Variants in TGM5 observed in about 807,000 individuals in gnomAD.
The protein encoded by TGM5 is protein-glutamine gamma-glutamyltransferase 5.
In TGM5, 69 loss-of-function variants were observed where a neutral mutation model predicts 77.2. The observed-to-expected ratio is 0.89, with a 90% CI of 0.74 to 1.09. TGM5 has a LOEUF of 1.09. Among genes scored for constraint, TGM5 ranks in the 50% least tolerant of loss-of-function variants. TGM5 has a pLI of 0.00. For missense variants in TGM5, 842 were observed against 896.5 expected (o/e 0.94, Z 0.78); for synonymous variants, 346 against 351.8 (o/e 0.98, Z 0.18).
At chr15:43,234,684 G>A (rs1170974113) in intron 11 of TGM5, 85 bp downstream of exon 11, 2 of 1,561,164 alleles carry the variant, frequency 1.3e-6, no homozygotes, top group Non-Finnish European at 1.8e-6. Flanking sequence ...TCCTAAGCAG[G>A]CCCAGGCTGC....
chr15:43,257,072 C>G (rs1191845619), intron 3 of TGM5, among the ~76,000 whole-genome samples: 1 of 152,202 alleles, frequency 6.6e-6, no homozygotes, highest in Non-Finnish European at 1.5e-5. Context: ...CTATACTAAT[C>G]TTGGTTGGAA....
intron 3 of TGM5, among the ~76,000 whole-genome samples, chr15:43,257,516 AG>A (rs1343064447): frequency 6.6e-6 from 1 of 152,210 alleles, no homozygotes; most frequent in Non-Finnish European, 1.5e-5. Flanking sequence ...TGCCATTGAA[AG>A]TAATGGAGCT....
Position 43,233,104 on chromosome 15 carries a change from T to G in TGM5, c.*87A>C. 2 of 1,536,290 alleles carry G rather than the reference T, an allele frequency of 1.3e-6. No homozygotes were observed. Among genetic ancestry groups the G allele is most frequent in the African/African-American group, 1.4e-5 (1 of 73,416 alleles). ...TGCTGGAGCCCTGTGAAGCCTCTGT[T>G]GTGGTGGGGAATGGCGCAGCTTGCA... is the stretch of plus-strand genomic sequence containing the variant. On this transcript the variant is annotated 3_prime_UTR_variant, in exon 13 of 13. Coordinates refer to ENST00000220420, the MANE Select transcript of TGM5 (RefSeq NM_201631.4).
At chr15:43,265,843 A>T (rs892256506) in intron 1 of TGM5, among the ~76,000 whole-genome samples, 26 of 152,240 alleles carry the variant, frequency 1.7e-4, no homozygotes, top group Non-Finnish European at 2.9e-5. Context: ...CACTGATACT[A>T]TGAGAAATAT....
intron 1 of TGM5, among the ~76,000 whole-genome samples, chr15:43,261,090 T>TTTTG (rs2042786090): frequency 4.1e-5 from 4 of 97,116 alleles, no homozygotes; most frequent in African/African-American, 1.5e-4. Context: ...TTTTTTTTTT[T>TTTTG]TTTTTTTTTT....
chr15:43,250,511 C>T (rs1214439167), intron 6 of TGM5, among the ~76,000 whole-genome samples: 3 of 152,214 alleles, frequency 2.0e-5, no homozygotes, highest in African/African-American at 7.2e-5. Context: ...GGTTTTAGCA[C>T]AGTGCCTGGC....
chr15:43,245,427 T>C (rs2042663451), intron 6 of TGM5, among the ~76,000 whole-genome samples: 1 of 152,210 alleles, frequency 6.6e-6, no homozygotes, highest in South Asian at 2.1e-4. Flanking sequence ...AAGATGATCA[T>C]ATTGCTTTGG....
rs777310058 is a variant in TGM5 at position 43,240,992 on chromosome 15, T to C, written c.863-2A>G. 1.9e-6 allele frequency: 3 copies of C among 1,614,068 alleles called. No individual in the cohort carries two copies. The African/African-American group carries it at 4.0e-5, about 22-fold the overall frequency. On this transcript the variant is annotated splice_acceptor_variant, in intron 6 of 12. Coordinates refer to ENST00000220420, the MANE Select transcript of TGM5 (RefSeq NM_201631.4). LOFTEE classifies it high-confidence loss of function. ...TAGGGATCCCCAGACACCTCATCAC[T>C]GCAAAAAGGGCACAAAAAAATCACC...
intron 6 of TGM5, among the ~76,000 whole-genome samples, chr15:43,252,353 G>T (rs1361988480): frequency 6.6e-6 from 1 of 152,144 alleles, no homozygotes; most frequent in Non-Finnish European, 1.5e-5. Flanking sequence ...TCTCACTCTT[G>T]TCACCCAGAC....
chr15:43,233,140 C>T lies in TGM5; in HGVS notation c.*51G>A, dbSNP rs375529113. On this transcript the variant is annotated 3_prime_UTR_variant, in exon 13 of 13. Transcript: ENST00000220420. ...ATGGCGCAGCTTGCATTTGAACTTG[C>T]TCCTTTTCCTGAAGCTTGAAATTCA... 9 of 1,610,578 alleles carry T rather than the reference C, an allele frequency of 5.6e-6. No homozygotes were observed. The highest frequency in any genetic ancestry group is 1.7e-5 in the Admixed American group (1 of 59,848).
chr15:43,266,770 C>T (rs1429585464), intron 1 of TGM5, 70 bp downstream of exon 1: 4 of 1,595,800 alleles, frequency 2.5e-6, no homozygotes, highest in African/African-American at 2.7e-5. Context: ...CCCTCCACCC[C>T]TTGACTTCCT....
chr15:43,239,668 T>G (rs1164105656), intron 7 of TGM5: 1 of 245,024 alleles, frequency 4.1e-6, no homozygotes, highest in African/African-American at 2.3e-5. Flanking sequence ...AGCCAGACCT[T>G]GTCTCAAAAA....
intron 1 of TGM5, among the ~76,000 whole-genome samples, chr15:43,265,864 C>G (rs2042820433): frequency 1.3e-5 from 2 of 152,106 alleles, no homozygotes; most frequent in African/African-American, 4.8e-5. Flanking sequence ...TGAGGTAGAT[C>G]TATAGGTACT....
In TGM5 at chr15:43,239,006, C is replaced by T; in HGVS notation, c.1156G>A (p.Val386Met). The T allele has an allele frequency of 6.2e-7, 1 of 1,614,168 alleles. No homozygotes were observed. The highest frequency in any genetic ancestry group is 1.1e-5 in the South Asian group (1 of 91,078). The change falls in exon 9 of 13, where the codon GTG becomes ATG. Residue 386 changes from valine to methionine, a missense_variant. Val to Met is a conservative substitution (Grantham distance 21). Coordinates refer to ENST00000220420, the MANE Select transcript of TGM5 (RefSeq NM_201631.4). ...ASVRAIKEGEVDLNYDTPFVF... is the reference protein window; with the variant it reads ...ASVRAIKEGEMDLNYDTPFVF... ...AAGGGCGTGTCATAGTTCAGGTCCA[C>T]TTCTCCTTCTTTGATGGCTCTGACA...
rs545272848 is a variant in TGM5 at position 43,251,327 on chromosome 15, G to C, written c.862+1432C>G. On this transcript the variant is annotated intron_variant, in intron 6 of 12. Transcript: ENST00000220420. ...AACTGTGCAAAGTCACTCTCTCTCGGTGGCAACACCTCCTCGTGCCCTTGG... is the reference window on the plus strand; with the variant it reads ...AACTGTGCAAAGTCACTCTCTCTCGCTGGCAACACCTCCTCGTGCCCTTGG... Among the ~76,000 whole-genome samples, 15 of 152,158 alleles carry C rather than the reference G, an allele frequency of 9.9e-5. 1 individual carries two copies. Among genetic ancestry groups the C allele is most frequent in the Admixed American group, 9.8e-4 (15 of 15,282 alleles).
At chr15:43,236,061 ATTC>A (rs146288606) in intron 9 of TGM5, among the ~76,000 whole-genome samples, 43 of 152,106 alleles carry the variant, frequency 2.8e-4, no homozygotes, top group African/African-American at 7.7e-4. Flanking sequence ...TACCATTAGC[ATTC>A]TTCTTCTTCT....
chr15:43,238,154 C>T (rs2142356642), intron 9 of TGM5, among the ~76,000 whole-genome samples: 1 of 152,362 alleles, frequency 6.6e-6, no homozygotes, highest in African/African-American at 2.4e-5. Context: ...CGCCCTTCAG[C>T]CACCCTGCCT....
rs1235265199 is a variant in TGM5 at position 43,233,588 on chromosome 15, C to T, written c.1975G>A (p.Gly659Arg). 1.1e-5 allele frequency: 18 copies of T among 1,614,176 alleles called. No individual in the cohort carries two copies. Among genetic ancestry groups the T allele is most frequent in the Middle Eastern group, 1.7e-4 (1 of 6,058 alleles). The change falls in exon 12 of 13, where the codon GGA becomes AGA. Residue 659 changes from glycine to arginine, a missense_variant. Coordinates refer to ENST00000220420, the MANE Select transcript of TGM5 (RefSeq NM_201631.4). The stretch of plus-strand genomic sequence containing the variant: ...TGCTGTTTCTTGAAGAGGCCACTTC[C>T]TTCCACAGTCAGCACACAGTCCTCA... ...QVEDCVLTVE[G>R]SGLFKKQQKV...
intron 1 of TGM5, among the ~76,000 whole-genome samples, chr15:43,264,230 C>T (rs1370536313): frequency 6.6e-6 from 1 of 152,110 alleles, no homozygotes; most frequent in African/African-American, 2.4e-5. Flanking sequence ...TCTGGAAGTT[C>T]CTCAAGACAT....
Sources: allele counts gnomAD v4.1 joint callset (sites outside exome capture counted in the v4.1 genomes callset), GRCh38; gene constraint gnomAD v4.1.1; transcripts MANE v1.5; gene names NCBI Gene and HGNC (gene_info 2026-07-23, HGNC 2026-07-21).